Variants in SPC24 observed in about 807,000 individuals in gnomAD.
The protein encoded by SPC24 is kinetochore protein Spc24.
SPC24 carries 31 observed loss-of-function variants against 27.6 expected under a neutral mutation model. The ratio of observed to expected loss-of-function variants is 1.12; its 90% confidence interval spans 0.84 to 1.52. The LOEUF (loss-of-function observed/expected upper bound fraction) is 1.52, where lower values mean the gene tolerates loss of function less well. SPC24 is among the 40% of genes most tolerant of loss of function. SPC24 has a pLI of 0.00. For synonymous variants in SPC24, 105 were observed against 105.8 expected, an observed-to-expected ratio of 0.99 and a Z score of 0.05; for missense variants, 284 against 252.5, an observed-to-expected ratio of 1.12 and a Z score of -0.84.
Position 11,147,889 on chromosome 19 carries a change from A to G in SPC24, c.416T>C (p.Val139Ala). The change falls in exon 4 of 5, where the codon GTG becomes GCG. Residue 139 changes from valine to alanine, a missense_variant. By Grantham distance (64) the Val-to-Ala change is moderately conservative. Transcript: ENST00000592540. Reference sequence around the variant, plus strand: ...ACTAACTTGGTGGTAAAGTTGAGCCACGTACCTGTACAGGAAGACAAAAAA... The same window carrying G: ...ACTAACTTGGTGGTAAAGTTGAGCCGCGTACCTGTACAGGAAGACAAAAAA... ...TTVTIPSAVY[V>A]AQLYHQVSKI... 1 of 1,547,242 alleles carries G rather than the reference A, an allele frequency of 6.5e-7. No individual in the cohort carries two copies. Among genetic ancestry groups the G allele is most frequent in the South Asian group, 1.1e-5 (1 of 87,344 alleles).
intron 1 of SPC24, 138 bp downstream of exon 1, chr19:11,155,479 G>C: frequency 9.6e-7 from 1 of 1,045,776 alleles, no homozygotes; most frequent in Non-Finnish European, 1.3e-6. Context: ...CTAAGGCTCA[G>C]AGGGGGCCGT....
Position 11,155,607 on chromosome 19 carries a change from C to A in SPC24, c.160+10G>T. On this transcript the variant is annotated intron_variant, in intron 1 of 4. Coordinates refer to ENST00000592540, the MANE Select transcript of SPC24 (RefSeq NM_182513.4). ...CCCCCGTGGGCCCGCGACCACGCTCCGACCCTCACCTCGCAGCTGCTTCTC... is the reference window on the plus strand; with the variant it reads ...CCCCCGTGGGCCCGCGACCACGCTCAGACCCTCACCTCGCAGCTGCTTCTC... 6.5e-7 allele frequency: 1 copy of A among 1,538,958 alleles called. No homozygotes were observed.
Position 11,151,788 on chromosome 19 carries a change from T to C in SPC24, c.161-2550A>G, listed in dbSNP as rs143337782. On this transcript the variant is annotated intron_variant, in intron 1 of 4. Coordinates refer to ENST00000592540, the MANE Select transcript of SPC24 (RefSeq NM_182513.4). ...CCACGCCTGGCTAATTTTTATATTT[T>C]TACCGGAGACGGTGTTTCACCATGT... Among the ~76,000 whole-genome samples, 895 of 151,962 alleles carry C rather than the reference T, an allele frequency of 5.9e-3. 5 individuals are homozygous for C. Among genetic ancestry groups the C allele is most frequent in the Middle Eastern group, 0.02 (6 of 294 alleles).
chr19:11,149,168 G>A lies in SPC24; in HGVS notation c.231C>T (p.Gly77=), dbSNP rs1265890682. 4 of 1,549,728 alleles carry A rather than the reference G, an allele frequency of 2.6e-6. No individual in the cohort carries two copies. The highest frequency in any genetic ancestry group is 2.4e-5 in the East Asian group (1 of 40,832). ...CAGCTTCCAGCTGCTGCAGCTCCAC[G>A]CCTCCCTGGTGCACCTGCTCCTTCG... ...LNAKEQVHQG[G]VELQQLEAGL... The change falls in exon 2 of 5, where the codon GGC becomes GGT. Residue 77 remains glycine, a synonymous_variant. Coordinates refer to ENST00000592540, the MANE Select transcript of SPC24 (RefSeq NM_182513.4).
rs111370680 is a variant in SPC24 at position 11,149,068 on chromosome 19, G to C, written c.305+26C>G. Reference sequence around the variant, plus strand: ...GGCCCTATGCGTGTTTTCTAGCAAGGCTGATCCCCTAGCAGAAAAGGATAT... The same window carrying C: ...GGCCCTATGCGTGTTTTCTAGCAAGCCTGATCCCCTAGCAGAAAAGGATAT... On this transcript the variant is annotated intron_variant, in intron 2 of 4. Transcript: ENST00000592540. 9,478 of 1,475,552 alleles carry C rather than the reference G, an allele frequency of 6.4e-3. 515 individuals are homozygous for C. In the African/African-American group the frequency reaches 0.12, roughly 19 times the overall value. The allele number at this position is 1,475,552 out of a possible 1,614,324, so 91.4% of individuals were successfully genotyped here. A position where few individuals can be genotyped will look rare whatever the true frequency, so the allele number is the denominator to read the frequency against.
intron 1 of SPC24, 116 bp from the exon 2 acceptor site, chr19:11,149,354 G>A: frequency 1.0e-6 from 1 of 973,670 alleles, no homozygotes; most frequent in East Asian, 3.0e-5. Flanking sequence ...CTGCAGCCCT[G>A]TGTCCAGAGA....
intron 2 of SPC24, 103 bp downstream of exon 2, chr19:11,148,991 C>T: frequency 8.4e-7 from 1 of 1,184,490 alleles, no homozygotes; most frequent in Non-Finnish European, 1.1e-6. Flanking sequence ...AAGTGATCCT[C>T]CCACCTGGGC....
chr19:11,154,302 G>A (rs1383863535), intron 1 of SPC24, among the ~76,000 whole-genome samples: 2 of 152,188 alleles, frequency 1.3e-5, no homozygotes, highest in East Asian at 1.9e-4. Context: ...CACTTTGGGA[G>A]GCCGAGGTGG....
chr19:11,147,194 T>C lies in SPC24; in HGVS notation c.583A>G (p.Thr195Ala), dbSNP rs1209234191. 6.4e-7 allele frequency: 1 copy of C among 1,550,442 alleles called. No homozygotes were observed. The highest frequency in any genetic ancestry group is 8.7e-7 in the Non-Finnish European group (1 of 1,146,112). Reference sequence around the variant, plus strand: ...CACGAGGCTCCTGGCTACCACTCGGTGTCCACCAGACTCCAGAGGTAGTCG... The same window carrying C: ...CACGAGGCTCCTGGCTACCACTCGGCGTCCACCAGACTCCAGAGGTAGTCG... ...ISDYLWSLVD[T>A]EW The change falls in exon 5 of 5, where the codon ACC (threonine) becomes GCC (alanine). Residue 195 changes from threonine to alanine, a missense_variant. Thr to Ala is a moderately conservative substitution (Grantham distance 58, BLOSUM62 0). Transcript: ENST00000592540.
At chr19:11,153,760 G>GGAAA (rs111289308) in intron 1 of SPC24, among the ~76,000 whole-genome samples, 8 of 132,190 alleles carry the variant, frequency 6.1e-5, no homozygotes, top group East Asian at 2.3e-4. Flanking sequence ...ACTGTCCTGG[G>GGAAA]AAAAAAAAAA....
chr19:11,151,610 C>CT (rs199874181), intron 1 of SPC24, among the ~76,000 whole-genome samples: 5 of 46,416 alleles, frequency 1.1e-4, no homozygotes, highest in South Asian at 1.1e-3. Context: ...TGAGGGGATA[C>CT]TTTTTTTTTG....
intron 1 of SPC24, among the ~76,000 whole-genome samples, chr19:11,150,155 C>G (rs180738760): frequency 2.1e-5 from 3 of 142,260 alleles, no homozygotes; most frequent in East Asian, 4.3e-4. Context: ...CCACTGCACT[C>G]CAGCCTAGGG....
chr19:11,149,413 A>T (rs1027196992), intron 1 of SPC24, 175 bp from the exon 2 acceptor site: 1 of 467,626 alleles, frequency 2.1e-6, no homozygotes. Flanking sequence ...ACACATTTAA[A>T]TACACTAAAA....
At chr19:11,153,969 G>A (rs1018401426) in intron 1 of SPC24, among the ~76,000 whole-genome samples, 5 of 151,262 alleles carry the variant, frequency 3.3e-5, no homozygotes, top group Non-Finnish European at 7.4e-5. Flanking sequence ...AGCTACTCGG[G>A]AGGCTGAGGC....
Position 11,147,261 on chromosome 19 carries a change from G to A in SPC24, c.516C>T (p.Pro172=). The change falls in exon 5 of 5, where the codon CCC becomes CCT. Residue 172 remains proline, a synonymous_variant. Coordinates refer to ENST00000592540, the MANE Select transcript of SPC24 (RefSeq NM_182513.4). ...GIHHGPSVAQ[P]IHLDSTQLSR... is the part of the protein sequence containing the mutation. ...AGAGCTGGGTGCTGTCCAGGTGGAT[G>A]GGCTGGGCCACACTGGGGCCATGAT... 1 of 1,567,834 alleles carries A rather than the reference G, an allele frequency of 6.4e-7. No individual in the cohort carries two copies. The highest frequency in any genetic ancestry group is 2.4e-5 in the East Asian group (1 of 42,462).
At chr19:11,154,076 G>C (rs62129139) in intron 1 of SPC24, among the ~76,000 whole-genome samples, 1 of 6,496 alleles carries the variant, frequency 1.5e-4, no homozygotes, top group South Asian at 1.1e-3. Context: ...TCCGTCTCAA[G>C]GAAAAAAAAA....
In SPC24 at chr19:11,147,150, G is replaced by A. The variant is rs769587754; in HGVS notation, c.*33C>T. ...ATGGATCTGACCACGGCAGATGCCC[G>A]CTGGGTGCAAGACGCAGCCACGAGG... is the stretch of plus-strand genomic sequence containing the variant. On this transcript the variant is annotated 3_prime_UTR_variant, in exon 5 of 5. Coordinates refer to ENST00000592540, the MANE Select transcript of SPC24 (RefSeq NM_182513.4). 2.2e-5 allele frequency: 30 copies of A among 1,364,802 alleles called. No homozygotes were observed. The highest frequency in any genetic ancestry group is 1.8e-4 in the Middle Eastern group (1 of 5,434). The allele number at this position is 1,364,802 out of a possible 1,614,324, so 84.5% of individuals were successfully genotyped here.
intron 1 of SPC24, among the ~76,000 whole-genome samples, chr19:11,154,315 G>T (rs1166368103): frequency 6.6e-6 from 1 of 152,084 alleles, no homozygotes; most frequent in African/African-American, 2.4e-5. Context: ...CGAGGTGGGC[G>T]ATCACTTGAG....
rs1393646020 is a variant in SPC24, at chr19:11,146,950, CAT to C, written c.*231_*232del. 7.6e-6 allele frequency: 2 copies of C among 264,834 alleles called. No individual in the cohort carries two copies. Among genetic ancestry groups the C allele is most frequent in the Non-Finnish European group, 7.3e-6 (1 of 137,836 alleles). The allele number at this position is 264,834 out of a possible 1,614,324, so 16.4% of individuals were successfully genotyped here. A position where few individuals can be genotyped will look rare whatever the true frequency, so the allele number is the denominator to read the frequency against. ...AAAAAATTAGCTGGGTGTGGTGGCG[CAT>C]GCCTGTAATCCCAGCTACTTTGGAG... On this transcript the variant is annotated 3_prime_UTR_variant, in exon 5 of 5. Transcript: ENST00000592540.
Sources: gnomAD v4.1 joint callset for allele counts (sites outside exome capture counted in the v4.1 genomes callset) on GRCh38, gnomAD v4.1.1 for gene constraint, MANE v1.5 for transcripts, NCBI Gene and HGNC (gene_info 2026-07-23, HGNC 2026-07-21) for gene names.